The following EDN1 variants were observed in gnomAD, a reference collection of about 807,000 sequenced individuals.
EDN1 encodes endothelin 1.
EDN1 carries 11 observed loss-of-function variants against 21.7 expected under a neutral mutation model. The observed-to-expected ratio is 0.51, with a 90% CI of 0.32 to 0.84. The LOEUF is 0.84. Among genes scored for constraint, EDN1 ranks in the 40% least tolerant of loss-of-function variants. The pLI, the probability that EDN1 is intolerant of heterozygous loss-of-function variation, is 0.03. For missense variants in EDN1, 244 were observed against 262.3 expected (o/e 0.93, Z 0.48); for synonymous variants, 85 against 90.6 (o/e 0.94, Z 0.35).
At chr6:12,262,613 T>A in the EDN1 span, among the ~76,000 whole-genome samples, 1 of 152,312 alleles carries the variant, frequency 6.6e-6, no homozygotes, top group South Asian at 2.1e-4. Flanking sequence ...AGCTCATGCC[T>A]GTAATCCCAG....
the EDN1 span, among the ~76,000 whole-genome samples, chr6:12,265,272 A>G: frequency 5.6e-4 from 86 of 152,330 alleles, no homozygotes; most frequent in East Asian, 0.012. Context: ...TAAGGGAATG[A>G]AAATAAGAAT....
At chr6:12,281,877 TC>T in the EDN1 span, among the ~76,000 whole-genome samples, 2,661 of 152,326 alleles carry the variant, frequency 0.017, 38 homozygotes, top group Non-Finnish European at 0.026. Context: ...ATTATTTCTT[TC>T]ATTTTCTATC....
At chr6:12,266,111 G>C in the EDN1 span, among the ~76,000 whole-genome samples, 1 of 152,196 alleles carries the variant, frequency 6.6e-6, no homozygotes, top group Admixed American at 6.5e-5. Flanking sequence ...GCTGGAATTT[G>C]AGCCTTGGTT....
the EDN1 span, among the ~76,000 whole-genome samples, chr6:12,236,463 T>C: frequency 1.3e-5 from 2 of 152,304 alleles, no homozygotes; most frequent in East Asian, 3.9e-4. Flanking sequence ...TTTTGCCACG[T>C]TGGCTGGGCT....
upstream of EDN1, among the ~76,000 whole-genome samples, chr6:12,287,712 TCACACACACA>T (rs66467626): frequency 9.3e-3 from 957 of 103,030 alleles, 8 homozygotes; most frequent in Admixed American, 0.016. Flanking sequence ...TCTCTCTCTC[TCACACACACA>T]CACACACACA....
At chr6:12,250,951 A>C in the EDN1 span, among the ~76,000 whole-genome samples, 1 of 152,196 alleles carries the variant, frequency 6.6e-6, no homozygotes, top group South Asian at 2.1e-4. Flanking sequence ...ATCAAATCCA[A>C]CAAGTCATTT....
At chr6:12,251,695 G>A in the EDN1 span, among the ~76,000 whole-genome samples, 3 of 152,270 alleles carry the variant, frequency 2.0e-5, no homozygotes, top group African/African-American at 2.4e-5. Context: ...GCCAGCTGGA[G>A]TTTGCACAGA....
the EDN1 span, among the ~76,000 whole-genome samples, chr6:12,267,873 T>C: frequency 2.0e-5 from 3 of 152,194 alleles, no homozygotes; most frequent in Non-Finnish European, 4.4e-5. Context: ...AGCTGGTAAC[T>C]TTATGTTGAA....
chr6:12,276,960 G>A, the EDN1 span, among the ~76,000 whole-genome samples: 3 of 152,012 alleles, frequency 2.0e-5, no homozygotes, highest in Non-Finnish European at 2.9e-5. Context: ...TGCTTTTTTT[G>A]GACATTTGCT....
chr6:12,243,948 T>C, the EDN1 span, among the ~76,000 whole-genome samples: 1 of 152,198 alleles, frequency 6.6e-6, no homozygotes, highest in African/African-American at 2.4e-5. Flanking sequence ...GATGGAAACT[T>C]TCTCTTTTTT....
chr6:12,288,513 G>A (rs1024431301), upstream of EDN1, among the ~76,000 whole-genome samples: 3 of 123,306 alleles, frequency 2.4e-5, no homozygotes, highest in African/African-American at 9.0e-5. Flanking sequence ...CACAGCGGAG[G>A]CCAGGGGCCC....
intron 1 of EDN1, 110 bp downstream of exon 1, chr6:12,290,803 CT>C: frequency 1.1e-6 from 1 of 942,190 alleles, no homozygotes; most frequent in Non-Finnish European, 1.7e-6. Flanking sequence ...ATGACTGCAG[CT>C]TAGAGAGCAA....
the EDN1 span, among the ~76,000 whole-genome samples, chr6:12,259,620 AAAG>A: frequency 2.0e-5 from 3 of 151,908 alleles, no homozygotes; most frequent in Non-Finnish European, 4.4e-5. Context: ...AAAGTGATGG[AAAG>A]AAAATTAATC....
chr6:12,270,764 T>G, the EDN1 span, among the ~76,000 whole-genome samples: 2 of 152,218 alleles, frequency 1.3e-5, no homozygotes, highest in Admixed American at 1.3e-4. Flanking sequence ...TTGGGTGGAA[T>G]GTTCCGTAAT....
At chr6:12,238,271 G>T in the EDN1 span, among the ~76,000 whole-genome samples, 5,327 of 152,142 alleles carry the variant, frequency 0.035, 291 homozygotes, top group East Asian at 0.2. Flanking sequence ...GGGAGTTTGG[G>T]CTTGAGGGGA....
chr6:12,278,893 T>TA, the EDN1 span, among the ~76,000 whole-genome samples: 31 of 151,714 alleles, frequency 2.0e-4, no homozygotes, highest in African/African-American at 4.8e-4. Flanking sequence ...CGAGATTCCG[T>TA]AAAAAAAACA....
chr6:12,260,172 TAAGTA>T, the EDN1 span, among the ~76,000 whole-genome samples: 7 of 152,122 alleles, frequency 4.6e-5, no homozygotes, highest in South Asian at 2.1e-4. Context: ...GAGTTCTTGT[TAAGTA>T]AAGAACACAG....
At chr6:12,238,171 CAAAAAAAAAA>C in the EDN1 span, among the ~76,000 whole-genome samples, 1 of 104,450 alleles carries the variant, frequency 9.6e-6, no homozygotes, top group Non-Finnish European at 1.9e-5. Context: ...GACTCTATCT[CAAAAAAAAAA>C]AAAAAAAAAG....
At chr6:12,264,552 C>T in the EDN1 span, among the ~76,000 whole-genome samples, 1 of 151,984 alleles carries the variant, frequency 6.6e-6, no homozygotes, top group Non-Finnish European at 1.5e-5. Context: ...CCTTGAGCCA[C>T]ATAGGAAGAG....
Sources: allele counts gnomAD v4.1 joint callset (sites outside exome capture counted in the v4.1 genomes callset), GRCh38; gene constraint gnomAD v4.1.1; transcripts MANE v1.5; gene names NCBI Gene and HGNC (gene_info 2026-07-23, HGNC 2026-07-21).